The following DNM2 variants were observed in gnomAD, a reference collection of about 807,000 sequenced individuals.
DNM2 encodes the protein dynamin-2.
A neutral mutation model predicts 99.0 loss-of-function variants in DNM2; 15 were observed. The observed-to-expected ratio is 0.15, with a 90% CI of 0.10 to 0.23. DNM2 has a LOEUF of 0.23. Among genes scored for constraint, DNM2 ranks in the 10% least tolerant of loss-of-function variants. The probability of loss-of-function intolerance (pLI) is 1.00; values close to 1 mark genes in which losing one functional copy is unlikely to be tolerated. For synonymous variants in DNM2, 525 were observed against 481.2 expected (o/e 1.09, Z -1.19); for missense variants, 742 against 1,189.4 (o/e 0.62, Z 5.53).
chr19:10,757,566 A>G (rs1478845600), intron 1 of DNM2, among the ~76,000 whole-genome samples: 1 of 152,184 alleles, frequency 6.6e-6, no homozygotes, highest in African/African-American at 2.4e-5. Context: ...CGTTCTGTAC[A>G]GGGCACAGCT....
At chr19:10,799,597 G>A (rs1206966151) in intron 11 of DNM2, among the ~76,000 whole-genome samples, 2 of 147,690 alleles carry the variant, frequency 1.4e-5, no homozygotes, top group Admixed American at 1.4e-4. Flanking sequence ...GCAGTGGCAC[G>A]ATCTTGACTC....
chr19:10,795,305 A>G lies in DNM2; in HGVS notation c.1129-67A>G, dbSNP rs2146022286. On this transcript the variant is annotated intron_variant, in intron 8 of 20. Coordinates refer to ENST00000389253, the MANE Select transcript of DNM2 (RefSeq NM_001005361.3). The surrounding 1 kb of genome is among the most constrained non-coding windows in gnomAD (Gnocchi z 4.2). ...CCACACGTGGGAGAGAACGTTCCCC[A>G]GATGCACGCCTGCCACGGGGGCGCC... 1 of 1,469,526 alleles carries G rather than the reference A, an allele frequency of 6.8e-7. No individual in the cohort carries two copies. The highest frequency in any genetic ancestry group is 9.5e-7 in the Non-Finnish European group (1 of 1,048,688). The allele number at this position is 1,469,526 out of a possible 1,614,324, so 91.0% of individuals were successfully genotyped here.
chr19:10,823,477 A>G, intron 16 of DNM2: 1 of 366,016 alleles, frequency 2.7e-6, no homozygotes, highest in East Asian at 5.5e-5. Context: ...CTTTCCTGAA[A>G]ATGCCCCAGT....
chr19:10,824,671 C>T (rs536794715), intron 17 of DNM2: 6 of 265,494 alleles, frequency 2.3e-5, no homozygotes, highest in East Asian at 8.7e-5. Flanking sequence ...GGCATGGTGG[C>T]GCACCCCTGT....
At chr19:10,758,343 T>C (rs149879674) in intron 1 of DNM2, among the ~76,000 whole-genome samples, 1,568 of 6,928 alleles carry the variant, frequency 0.23, 1 homozygote, top group Admixed American at 0.28. Flanking sequence ...CCTTCCCTCC[T>C]TCCTTCCCTC....
At chr19:10,822,442 C>A (rs2073006046) in intron 16 of DNM2, among the ~76,000 whole-genome samples, 1 of 152,082 alleles carries the variant, frequency 6.6e-6, no homozygotes. Flanking sequence ...CCCCCTGTCT[C>A]AGCCTCCCAA....
intron 7 of DNM2, among the ~76,000 whole-genome samples, chr19:10,789,188 ACT>A (rs1315788477): frequency 1.3e-5 from 2 of 152,098 alleles, no homozygotes; most frequent in East Asian, 1.9e-4. Context: ...ACAGAGCAAG[ACT>A]CTGTCTCAAA....
At chr19:10,736,411 C>A (rs116365294) in intron 1 of DNM2, among the ~76,000 whole-genome samples, 2 of 152,196 alleles carry the variant, frequency 1.3e-5, no homozygotes, top group Non-Finnish European at 2.9e-5. Flanking sequence ...CACGCCCACT[C>A]ATTTCTATAT....
At chr19:10,719,257 G>A (rs1387483064) in intron 1 of DNM2, among the ~76,000 whole-genome samples, 1 of 152,178 alleles carries the variant, frequency 6.6e-6, no homozygotes, top group East Asian at 1.9e-4. Context: ...GGAGAACAGA[G>A]CTGAAGGAGG....
Position 10,831,314 on chromosome 19 carries a change from CAGA to C in DNM2, c.*269_*271del. The C allele has an allele frequency of 7.9e-7, 1 of 1,263,540 alleles. No individual in the cohort carries two copies. The allele number at this position is 1,263,540 out of a possible 1,614,324, so 78.3% of individuals were successfully genotyped here. On this transcript the variant is annotated 3_prime_UTR_variant, in exon 21 of 21. Coordinates refer to ENST00000389253, the MANE Select transcript of DNM2 (RefSeq NM_001005361.3). This position sits in a 1 kb window ranked among gnomAD's most constrained non-coding sequence, Gnocchi z 4.3. ...AGTCTCAGGGTGGCAGAGGGGGGAC[CAGA>C]ACCCTTGACACCATCCTGAATGAGG... is the stretch of plus-strand genomic sequence containing the variant.
chr19:10,765,825 T>G lies in DNM2; in HGVS notation c.235+6014T>G, dbSNP rs1464637704. Among the ~76,000 whole-genome samples the G allele has an allele frequency of 6.6e-6, 1 of 152,144 alleles. No homozygotes were observed. Among genetic ancestry groups the G allele is most frequent in the East Asian group, 1.9e-4 (1 of 5,176 alleles). On this transcript the variant is annotated intron_variant, in intron 2 of 20. Transcript: ENST00000389253. The surrounding 1 kb of genome is among the most constrained non-coding windows in gnomAD (Gnocchi z 4.4). ...ACAGCAGGTTTGGGAAAGGCAGATC[T>G]CCTCTCCTTGCCTTCAGGGCCAGCC...
At chr19:10,761,289 C>T (rs745481816) in intron 2 of DNM2, among the ~76,000 whole-genome samples, 1 of 152,066 alleles carries the variant, frequency 6.6e-6, no homozygotes, top group Non-Finnish European at 1.5e-5. Context: ...GCCCGGCCAC[C>T]ATTGCTTTTT....
chr19:10,729,326 C>G (rs1324966874), intron 1 of DNM2, among the ~76,000 whole-genome samples: 1 of 151,986 alleles, frequency 6.6e-6, no homozygotes, highest in Non-Finnish European at 1.5e-5. Context: ...CCACGGCCCT[C>G]CAGCCTGGGC....
In DNM2 at chr19:10,731,615, A is replaced by G. The variant is rs1487140219; in HGVS notation, c.161+13212A>G. 1.3e-5 allele frequency among the ~76,000 whole-genome samples: 2 copies of G among 152,264 alleles called. 1 individual carries two copies. The highest frequency in any genetic ancestry group is 2.9e-5 in the Non-Finnish European group (2 of 68,020). ...GTGATCCACCCGCCTCGGCCTCCCA[A>G]GGCTCTGGGATTACAGGCGTGAGCC... is the stretch of plus-strand genomic sequence containing the variant. On this transcript the variant is annotated intron_variant, in intron 1 of 20. Coordinates refer to ENST00000389253, the MANE Select transcript of DNM2 (RefSeq NM_001005361.3).
At chr19:10,827,297 G>C (rs529140601) in intron 18 of DNM2, among the ~76,000 whole-genome samples, 11 of 152,286 alleles carry the variant, frequency 7.2e-5, no homozygotes, top group African/African-American at 2.6e-4. Flanking sequence ...TTCTCTAAGA[G>C]AGACAATTGC....
In DNM2 at chr19:10,831,498, A is replaced by T. The variant is rs1230276305; in HGVS notation, c.*451A>T. On this transcript the variant is annotated 3_prime_UTR_variant, in exon 21 of 21. Transcript: ENST00000389253. This position sits in a 1 kb window ranked among gnomAD's most constrained non-coding sequence, Gnocchi z 4.3. The stretch of plus-strand genomic sequence containing the variant: ...AACTTCCCATTAGCAGGAGCTCCCC[A>T]GCGGCAAGCCTGGCCCAGTGGGCTC... The T allele has an allele frequency of 1.0e-6, 1 of 988,316 alleles. No individual in the cohort carries two copies. Among genetic ancestry groups the T allele is most frequent in the Non-Finnish European group, 1.2e-6 (1 of 831,754 alleles). The allele number at this position is 988,316 out of a possible 1,614,324, so 61.2% of individuals were successfully genotyped here.
chr19:10,722,640 G>A (rs189026466), intron 1 of DNM2, among the ~76,000 whole-genome samples: 9 of 152,052 alleles, frequency 5.9e-5, no homozygotes, highest in Non-Finnish European at 1.2e-4. Context: ...ACCGCGCCTG[G>A]CCTGAGATAG....
At chr19:10,760,669 A>AT (rs2070591898) in intron 2 of DNM2, among the ~76,000 whole-genome samples, 1 of 150,160 alleles carries the variant, frequency 6.7e-6, no homozygotes, top group Non-Finnish European at 1.5e-5. Flanking sequence ...CACTTTTTTT[A>AT]TTTTTTTTAA....
intron 9 of DNM2, 48 bp from the exon 10 acceptor site, chr19:10,797,332 C>T: frequency 6.2e-7 from 1 of 1,608,008 alleles, no homozygotes; most frequent in East Asian, 2.2e-5. Flanking sequence ...GTGGCCTGCA[C>T]TGTCCCTGGG....
Sources: allele counts gnomAD v4.1 joint callset (sites outside exome capture counted in the v4.1 genomes callset), GRCh38; gene constraint gnomAD v4.1.1; non-coding constraint Gnocchi (gnomAD v3.1); transcripts MANE v1.5; gene names NCBI Gene and HGNC (gene_info 2026-07-23, HGNC 2026-07-21).